CNTNAP3: variants seen among roughly 807,000 people sequenced by gnomAD.
CNTNAP3 encodes the protein contactin associated protein family member 3.
CNTNAP3 carries 36 observed loss-of-function variants against 92.1 expected under a neutral mutation model. The ratio of observed to expected loss-of-function variants is 0.39; its 90% CI spans 0.30 to 0.52. The LOEUF (loss-of-function observed/expected upper bound fraction) is 0.52, where lower values mean the gene tolerates loss of function less well. CNTNAP3 is among the 20% of genes least tolerant of loss of function. CNTNAP3 has a pLI of 0.76. For missense variants in CNTNAP3, 534 were observed against 1,069.6 expected (o/e 0.50, Z 6.98); for synonymous variants, 232 against 422.3 (o/e 0.55, Z 5.53).
chr9:39,073,181 T>C lies in CNTNAP3; in HGVS notation c.*709A>G, dbSNP rs1402320666. On this transcript the variant is annotated 3_prime_UTR_variant, in exon 24 of 24. Coordinates refer to ENST00000297668, the MANE Select transcript of CNTNAP3 (RefSeq NM_033655.5). ...CTAACATTCAATATTAATTTCAACA[T>C]TAAAATGTATCAAAATCATTAAAAA... The C allele has an allele frequency of 6.4e-6, 1 of 156,798 alleles. No individual in the cohort carries two copies. Among genetic ancestry groups the C allele is most frequent in the Non-Finnish European group, 1.4e-5 (1 of 70,360 alleles). 9.7% of individuals were successfully genotyped at this position (156,798 alleles called of 1,614,324 possible).
Position 39,144,338 on chromosome 9 carries a change from G to A in CNTNAP3, c.1658C>T (p.Pro553Leu), listed in dbSNP as rs1459596435. Residue 553 changes from proline (P) to leucine (L), a missense_variant, in exon 11 of 24, where the codon CCC becomes CTC. Transcript: ENST00000297668. The stretch of plus-strand genomic sequence containing the variant: ...CTCGCCCCCATGCTCACAGTAGCTG[G>A]GCAAGCACCTAAAAGAAAACAGATA... ...DSCGITDRCL[P>L]SYCEHGGECS... The A allele has an allele frequency of 8.4e-6, 13 of 1,539,060 alleles. No individual in the cohort carries two copies. The highest frequency in any genetic ancestry group is 1.1e-5 in the Non-Finnish European group (13 of 1,146,204).
rs547530280 is a variant in CNTNAP3 at position 39,142,542 on chromosome 9, G to C, written c.1756+1698C>G. 5.0e-4 allele frequency among the ~76,000 whole-genome samples: 76 copies of C among 151,982 alleles called. 1 individual carries two copies. Among genetic ancestry groups the C allele is most frequent in the Non-Finnish European group, 5.9e-5 (4 of 67,932 alleles). ...AAAAAATTAGCCAGGTGTGGTGGTG[G>C]GCTCCTGTAGTCCCAGCTACTCGGG... On this transcript the variant is annotated intron_variant, in intron 11 of 23. Transcript: ENST00000297668.
At chr9:39,123,452 G>T (rs568156479) in intron 13 of CNTNAP3, among the ~76,000 whole-genome samples, 52 of 152,072 alleles carry the variant, frequency 3.4e-4, no homozygotes, top group African/African-American at 1.2e-3. Flanking sequence ...AATACCAGAA[G>T]TAGAAGGAAG....
At chr9:39,126,779 G>A (rs1587721251) in intron 13 of CNTNAP3, among the ~76,000 whole-genome samples, 2 of 151,756 alleles carry the variant, frequency 1.3e-5, no homozygotes, top group African/African-American at 4.8e-5. Flanking sequence ...GGAGCAGAAT[G>A]GAAAAATAAA....
intron 10 of CNTNAP3, among the ~76,000 whole-genome samples, chr9:39,145,437 A>G (rs1447169868): frequency 6.3e-5 from 9 of 143,822 alleles, no homozygotes; most frequent in African/African-American, 2.0e-4. Context: ...TGGGACCCAG[A>G]GAAGTAACAG....
At chr9:39,161,688 AT>A (rs1822075664) in intron 9 of CNTNAP3, among the ~76,000 whole-genome samples, 1 of 139,066 alleles carries the variant, frequency 7.2e-6, no homozygotes, top group African/African-American at 2.6e-5. Flanking sequence ...AATAATAATA[AT>A]AATAATAAAT....
chr9:39,078,986 G>A lies in CNTNAP3; in HGVS notation c.3443-66C>T, dbSNP rs1294021237. 33 of 1,430,700 alleles carry A rather than the reference G, an allele frequency of 2.3e-5. 1 individual carries two copies. Among genetic ancestry groups the A allele is most frequent in the Non-Finnish European group, 2.8e-5 (30 of 1,062,974 alleles). 88.6% of individuals were successfully genotyped at this position (1,430,700 alleles called of 1,614,324 possible). A position where few individuals can be genotyped will look rare whatever the true frequency, so the allele number is the denominator to read the frequency against. ...GGAGATGGGGGCGCAGGCACACCCCGCATCTGCAAGACAGCGACCCTCGTT... is the reference window on the plus strand; with the variant it reads ...GGAGATGGGGGCGCAGGCACACCCCACATCTGCAAGACAGCGACCCTCGTT... On this transcript the variant is annotated intron_variant, in intron 21 of 23. Coordinates refer to ENST00000297668, the MANE Select transcript of CNTNAP3 (RefSeq NM_033655.5).
At chr9:39,091,640 T>A (rs1826204837) in intron 18 of CNTNAP3, among the ~76,000 whole-genome samples, 1 of 151,892 alleles carries the variant, frequency 6.6e-6, no homozygotes, top group Non-Finnish European at 1.5e-5. Context: ...ACTTAAATGA[T>A]ATTGGTCTGT....
chr9:39,259,262 C>T (rs1822860747), intron 2 of CNTNAP3, among the ~76,000 whole-genome samples: 1 of 19,478 alleles, frequency 5.1e-5, no homozygotes, highest in African/African-American at 1.3e-4. Context: ...ATATCTGCTT[C>T]TCTTTCATTC....
chr9:39,108,277 C>G (rs1040555195), intron 15 of CNTNAP3, among the ~76,000 whole-genome samples: 10 of 152,182 alleles, frequency 6.6e-5, no homozygotes, highest in Admixed American at 2.6e-4. Flanking sequence ...GCCGGTCCCC[C>G]CCCTCTCTGG....
intron 15 of CNTNAP3, among the ~76,000 whole-genome samples, chr9:39,108,279 C>G (rs184506771): frequency 5.3e-4 from 81 of 152,218 alleles, no homozygotes; most frequent in African/African-American, 8.2e-4. Context: ...CGGTCCCCCC[C>G]CTCTCTGGGG....
intron 14 of CNTNAP3, among the ~76,000 whole-genome samples, chr9:39,116,448 A>G (rs1333983955): frequency 1.3e-5 from 2 of 152,080 alleles, no homozygotes; most frequent in Non-Finnish European, 2.9e-5. Flanking sequence ...TTAGAGCCCA[A>G]AGCTAACACA....
chr9:39,103,799 G>T lies in CNTNAP3; in HGVS notation c.2481C>A (p.Ser827=). The change falls in exon 16 of 24, where the codon TCC becomes TCA. Residue 827 remains serine (S), a synonymous_variant. Coordinates refer to ENST00000297668, the MANE Select transcript of CNTNAP3 (RefSeq NM_033655.5). ...TCCCCAGGTTCTCCATAAACACCCC[G>T]GAGGAAACTGTGGTCTTAAAAAAGA... ...VCFFFKTTVS[S]GVFMENLGIT... is the part of the protein sequence containing the mutation. 1 of 1,610,330 alleles carries T rather than the reference G, an allele frequency of 6.2e-7. No homozygotes were observed. The highest frequency in any genetic ancestry group is 1.1e-5 in the South Asian group (1 of 90,404).
intron 23 of CNTNAP3, among the ~76,000 whole-genome samples, chr9:39,076,267 G>A (rs1270758446): frequency 0.021 from 3,016 of 143,146 alleles, no homozygotes; most frequent in African/African-American, 0.025. Context: ...TTGTGTAAAC[G>A]TCTGTAGGAC....
chr9:39,086,413 A>G, intron 20 of CNTNAP3: 1 of 346,244 alleles, frequency 2.9e-6, no homozygotes, highest in Non-Finnish European at 5.1e-6. Context: ...CACTATGATA[A>G]ACTAGAGAAC....
At position 39,253,277 on chromosome 9, in the gene CNTNAP3, C is replaced by A; in HGVS notation, c.196+13619G>T. Among the ~76,000 whole-genome samples, 2 of 17,282 alleles carry A rather than the reference C, an allele frequency of 1.2e-4. 1 individual carries two copies. Among genetic ancestry groups the A allele is most frequent in the Non-Finnish European group, 2.9e-4 (2 of 6,894 alleles). 11.3% of individuals were successfully genotyped at this position (17,282 alleles called of 152,430 possible). Reference sequence around the variant, plus strand: ...GTACATTTATTGAACACATTAAAATCTATTAATTTGCAAAATTATATATAC... The same window carrying A: ...GTACATTTATTGAACACATTAAAATATATTAATTTGCAAAATTATATATAC... On this transcript the variant is annotated intron_variant, in intron 2 of 23. Coordinates refer to ENST00000297668, the MANE Select transcript of CNTNAP3 (RefSeq NM_033655.5).
Position 39,125,186 on chromosome 9 carries a change from G to A in CNTNAP3, c.2081-6927C>T, listed in dbSNP as rs560719240. ...TGGAATACTATGCAGCCATGAAAAA[G>A]GATGAGTTCATGTCCTTTGTAGGGC... On this transcript the variant is annotated intron_variant, in intron 13 of 23. Coordinates refer to ENST00000297668, the MANE Select transcript of CNTNAP3 (RefSeq NM_033655.5). Among the ~76,000 whole-genome samples the A allele has an allele frequency of 2.0e-4, 30 of 152,160 alleles. No individual in the cohort carries two copies. The East Asian group carries it at 4.8e-3, about 24-fold the overall frequency.
At chr9:39,118,739 C>T (rs1820930780) in intron 13 of CNTNAP3, among the ~76,000 whole-genome samples, 2 of 152,180 alleles carry the variant, frequency 1.3e-5, no homozygotes, top group African/African-American at 4.8e-5. Context: ...TCAGTACTTA[C>T]TAATTTTTGG....
chr9:39,146,058 A>C (rs1821690140), intron 10 of CNTNAP3, among the ~76,000 whole-genome samples: 1 of 150,716 alleles, frequency 6.6e-6, no homozygotes, highest in Non-Finnish European at 1.5e-5. Flanking sequence ...ATTTGGAAAT[A>C]AGAACTATTT....
Sources: gnomAD v4.1 joint callset for allele counts (sites outside exome capture counted in the v4.1 genomes callset) on GRCh38, gnomAD v4.1.1 for gene constraint, MANE v1.5 for transcripts, NCBI Gene and HGNC (gene_info 2026-07-23, HGNC 2026-07-21) for gene names.